Variants in ZNF462 observed in about 807,000 individuals in gnomAD.
The protein encoded by ZNF462 is zinc finger protein 462.
Under a neutral mutation model 201.9 loss-of-function variants are expected in ZNF462, and 10 were observed. That is an observed-to-expected ratio of 0.05 (90% CI 0.03 to 0.08). The LOEUF is 0.08. Among genes scored for constraint, ZNF462 ranks in the 10% least tolerant of loss-of-function variants. The pLI, the probability that ZNF462 is intolerant of heterozygous loss-of-function variation, is 1.00. For missense variants in ZNF462, 2,523 were observed against 3,168.3 expected, an observed-to-expected ratio of 0.80 and a Z score of 4.89; for synonymous variants, 1,227 against 1,193.3, an observed-to-expected ratio of 1.03 and a Z score of -0.58.
In ZNF462 at chr9:107,003,446, C is replaced by T. The variant is rs1275792561; in HGVS notation, c.7189+20C>T. ...ACAGAGGTTAGTCTCATCCTGCCCT[C>T]CCAATCCCAGATGGCATCTGGCATG... On this transcript the variant is annotated intron_variant, in intron 11 of 12. Transcript: ENST00000277225. This position sits in a 1 kb window ranked among gnomAD's most constrained non-coding sequence, Gnocchi z 4.4. 1.9e-6 allele frequency: 3 copies of T among 1,611,754 alleles called. No homozygotes were observed. Among genetic ancestry groups the T allele is most frequent in the East Asian group, 2.2e-5 (1 of 44,738 alleles).
At chr9:106,873,110 T>C (rs1181745030) in intron 1 of ZNF462, among the ~76,000 whole-genome samples, 4 of 152,204 alleles carry the variant, frequency 2.6e-5, no homozygotes, top group Non-Finnish European at 5.9e-5. Flanking sequence ...GCTTATGTTC[T>C]TGATGGTTTA....
At chr9:106,922,717 A>G (rs1002311001) in intron 1 of ZNF462, among the ~76,000 whole-genome samples, 3 of 152,186 alleles carry the variant, frequency 2.0e-5, no homozygotes, top group South Asian at 2.1e-4. Flanking sequence ...GCAAATAGTC[A>G]TTTAGCTCAT....
intron 1 of ZNF462, among the ~76,000 whole-genome samples, chr9:106,866,090 C>G (rs959238585): frequency 2.6e-5 from 4 of 152,278 alleles, no homozygotes; most frequent in African/African-American, 7.2e-5. Context: ...GGAGGAGATT[C>G]AGAACCAGTT....
rs1830186756 is a variant in ZNF462 at position 106,926,202 on chromosome 9, G to A, written c.2290G>A (p.Asp764Asn). 2 of 1,614,044 alleles carry A rather than the reference G, an allele frequency of 1.2e-6. No homozygotes were observed. Among genetic ancestry groups the A allele is most frequent in the Non-Finnish European group, 1.7e-6 (2 of 1,180,032 alleles). Residue 764 changes from aspartate to asparagine, a missense_variant, in exon 3 of 13, where the codon GAT becomes AAT. Asp to Asn is a conservative substitution (Grantham distance 23). Around this residue, in one of 15 missense-constraint regions of ZNF462, gnomAD observed 383 missense variants for 453.4 expected, o/e 0.84. Transcript: ENST00000277225. The surrounding 1 kb of genome is among the most constrained non-coding windows in gnomAD (Gnocchi z 7.9). ...TTCTGCCCAACAGATATGGGTAAGA[G>A]ATACCAGTGAGCCCCAGAAAGAGCC... ...SFSAQQIWVRDTSEPQKEPNF... is the reference protein window; with the variant it reads ...SFSAQQIWVRNTSEPQKEPNF...
intron 9 of ZNF462, among the ~76,000 whole-genome samples, chr9:106,982,106 C>T (rs1827480840): frequency 6.6e-6 from 1 of 152,230 alleles, no homozygotes; most frequent in African/African-American, 2.4e-5. Flanking sequence ...GTTCAGCCTG[C>T]ATGCCCCATC....
At chr9:106,906,681 T>C (rs1187821049) in intron 1 of ZNF462, among the ~76,000 whole-genome samples, 1 of 152,238 alleles carries the variant, frequency 6.6e-6, no homozygotes, top group Non-Finnish European at 1.5e-5. Flanking sequence ...AGTTTATTGA[T>C]AACTAGTACT....
intron 7 of ZNF462, among the ~76,000 whole-genome samples, chr9:106,961,869 T>C (rs1831857042): frequency 6.6e-6 from 1 of 151,962 alleles, no homozygotes; most frequent in South Asian, 2.1e-4. Flanking sequence ...AGTAAGAGTT[T>C]GTCAGACTGA....
chr9:106,860,869 T>G (rs1587956163), upstream of ZNF462, among the ~76,000 whole-genome samples: 1 of 148,048 alleles, frequency 6.8e-6, no homozygotes. The surrounding 1 kb of genome is among the most constrained non-coding windows in gnomAD (Gnocchi z 7.1). Context: ...GAAGGGGGAG[T>G]CCTCCCAAAG....
At chr9:107,000,276 G>A (rs759291917) in intron 10 of ZNF462, among the ~76,000 whole-genome samples, 1 of 151,904 alleles carries the variant, frequency 6.6e-6, no homozygotes, top group Non-Finnish European at 1.5e-5. Flanking sequence ...GTAAACGACA[G>A]TTAAGAAATT....
At chr9:106,956,279 TTCA>T (rs1831570516) in intron 7 of ZNF462, among the ~76,000 whole-genome samples, 1 of 152,162 alleles carries the variant, frequency 6.6e-6, no homozygotes, top group Non-Finnish European at 1.5e-5. Flanking sequence ...CTTGTATATC[TTCA>T]TCAGAGCTCT....
chr9:106,909,149 A>G (rs1007815997), intron 1 of ZNF462, among the ~76,000 whole-genome samples: 2 of 150,606 alleles, frequency 1.3e-5, no homozygotes, highest in African/African-American at 4.9e-5. Flanking sequence ...TTTTTAGTAG[A>G]GATGGGTTTC....
chr9:106,893,454 C>T (rs1185521430), intron 1 of ZNF462, among the ~76,000 whole-genome samples: 1 of 152,162 alleles, frequency 6.6e-6, no homozygotes, highest in East Asian at 1.9e-4. Context: ...CTTGCTATGG[C>T]TTTTGCAGGA....
chr9:106,861,994 C>A (rs1304402794), upstream of ZNF462, among the ~76,000 whole-genome samples: 1 of 151,978 alleles, frequency 6.6e-6, no homozygotes, highest in Non-Finnish European at 1.5e-5. Flanking sequence ...TCTTTTGGTG[C>A]GCAGTCAAAA....
intron 7 of ZNF462, among the ~76,000 whole-genome samples, chr9:106,944,194 G>A (rs1831005864): frequency 6.6e-6 from 1 of 152,096 alleles, no homozygotes; most frequent in African/African-American, 2.4e-5. Context: ...CTTAGAGTGG[G>A]CTAATTTGTT....
rs752746269 is a variant in ZNF462, at chr9:106,927,864, A to G, written c.3952A>G (p.Ile1318Val). ...AGCTGGCTACCACTGCGAGTGGTGC[A>G]TCTACTCCCATACGGAGCCCAACGG... Reference protein sequence around the residue: ...IEAGYHCEWCIYSHTEPNGLL... With the variant: ...IEAGYHCEWCVYSHTEPNGLL... Residue 1318 changes from isoleucine to valine, a missense_variant, in exon 3 of 13, where the codon ATC (isoleucine) becomes GTC (valine). By Grantham distance (29) the Ile-to-Val change is conservative (BLOSUM62 3). Coordinates refer to ENST00000277225, the MANE Select transcript of ZNF462 (RefSeq NM_021224.6). 5.6e-6 allele frequency: 9 copies of G among 1,614,132 alleles called. No homozygotes were observed. Among genetic ancestry groups the G allele is most frequent in the Non-Finnish European group, 7.6e-6 (9 of 1,180,034 alleles).
Position 106,974,300 on chromosome 9 carries a change from G to T in ZNF462, c.6832+27G>T. 1.9e-6 allele frequency: 3 copies of T among 1,613,960 alleles called. No homozygotes were observed. Among genetic ancestry groups the T allele is most frequent in the South Asian group, 2.2e-5 (2 of 91,078 alleles). On this transcript the variant is annotated intron_variant, in intron 9 of 12. Transcript: ENST00000277225. This position sits in a 1 kb window ranked among gnomAD's most constrained non-coding sequence, Gnocchi z 4.0. ...TAACCTTTCTAACTTGGTTTTCTTG[G>T]ATGCAGCGGGGGGCAGGCAGCAGAG...
chr9:106,901,061 G>C (rs1475590563), intron 1 of ZNF462, among the ~76,000 whole-genome samples: 2 of 152,090 alleles, frequency 1.3e-5, no homozygotes, highest in African/African-American at 4.8e-5. Context: ...GTTGATTTTT[G>C]TATAAAGTAA....
Position 106,924,643 on chromosome 9 carries a change from G to A in ZNF462, c.731G>A (p.Cys244Tyr), listed in dbSNP as rs1338654897. The A allele has an allele frequency of 4.3e-6, 7 of 1,614,142 alleles. No individual in the cohort carries two copies. The highest frequency in any genetic ancestry group is 5.9e-6 in the Non-Finnish European group (7 of 1,180,038). Residue 244 changes from cysteine (C) to tyrosine (Y), a missense_variant, in exon 3 of 13, where the codon TGT becomes TAT. Around this residue, in one of 15 missense-constraint regions of ZNF462, gnomAD observed 480 missense variants for 544.4 expected, o/e 0.88. Coordinates refer to ENST00000277225, the MANE Select transcript of ZNF462 (RefSeq NM_021224.6). This position sits in a 1 kb window ranked among gnomAD's most constrained non-coding sequence, Gnocchi z 6.2. Reference protein sequence around the residue: ...KPLTKSRGNFCCEWCSYQTPR... With the variant: ...KPLTKSRGNFYCEWCSYQTPR... ...TTGACCAAATCTCGAGGCAACTTTT[G>A]TTGTGAGTGGTGCAGCTACCAGACC...
intron 4 of ZNF462, chr9:106,931,057 T>A (rs1348754586): frequency 5.5e-6 from 1 of 183,076 alleles, no homozygotes; most frequent in Non-Finnish European, 1.2e-5. Flanking sequence ...GTTCCCATCA[T>A]CTTCTGCTCC....
Sources: allele counts gnomAD v4.1 joint callset (sites outside exome capture counted in the v4.1 genomes callset), GRCh38; gene constraint gnomAD v4.1.1; regional missense constraint gnomAD v4.1.1; non-coding constraint Gnocchi (gnomAD v3.1); transcripts MANE v1.5; gene names NCBI Gene and HGNC (gene_info 2026-07-23, HGNC 2026-07-21).